The following SGCD variants were observed in gnomAD, a reference collection of about 807,000 sequenced individuals.
The protein encoded by SGCD is sarcoglycan delta.
Under a neutral mutation model 36.6 loss-of-function variants are expected in SGCD, and 18 were observed. That is an observed-to-expected ratio of 0.49 (90% CI 0.34 to 0.73). The LOEUF is 0.73. Among genes scored for constraint, SGCD ranks in the 30% least tolerant of loss-of-function variants. The probability of loss-of-function intolerance (pLI) is 0.01; values close to 1 mark genes in which losing one functional copy is unlikely to be tolerated. For missense variants in SGCD, 387 were observed against 346.7 expected (o/e 1.12, Z -0.92); for synonymous variants, 133 against 130.6 (o/e 1.02, Z -0.12).
intron 4 of SGCD, among the ~76,000 whole-genome samples, chr5:156,576,494 T>C (rs1324726057): frequency 1.3e-5 from 2 of 152,156 alleles, no homozygotes; most frequent in Non-Finnish European, 2.9e-5. Context: ...CTTGAGGAAT[T>C]GCCACACTGT....
intron 1 of SGCD, among the ~76,000 whole-genome samples, chr5:156,111,673 A>C (rs1761789297): frequency 6.7e-6 from 1 of 149,662 alleles, no homozygotes; most frequent in African/African-American, 2.5e-5. Context: ...CTGAGAAAGA[A>C]AAGCAGTCAC....
chr5:156,210,510 C>T (rs1207778137), intron 3 of SGCD, among the ~76,000 whole-genome samples: 1 of 151,856 alleles, frequency 6.6e-6, no homozygotes, highest in South Asian at 2.1e-4. Flanking sequence ...TCAAAATAGT[C>T]ATTTTAAGGA....
chr5:156,182,420 A>T (rs1182656075), intron 3 of SGCD, among the ~76,000 whole-genome samples: 1 of 152,016 alleles, frequency 6.6e-6, no homozygotes, highest in East Asian at 1.9e-4. Context: ...GTGAAACCCC[A>T]TCTCTACAAA....
At chr5:156,520,556 C>A (rs1035759735) in intron 4 of SGCD, among the ~76,000 whole-genome samples, 3 of 151,504 alleles carry the variant, frequency 2.0e-5, no homozygotes, top group Admixed American at 6.6e-5. Context: ...CATATGGAAC[C>A]AAAAAAGAGC....
At chr5:156,713,902 GATTTCACCAGCTC>G (rs1346597394) in intron 7 of SGCD, among the ~76,000 whole-genome samples, 1 of 152,190 alleles carries the variant, frequency 6.6e-6, no homozygotes, top group Admixed American at 6.5e-5. Context: ...CCAATCCAGT[GATTTCACCAGCTC>G]AAAGAGCTAA....
At chr5:156,577,549 C>T (rs976860967) in intron 4 of SGCD, among the ~76,000 whole-genome samples, 2 of 152,160 alleles carry the variant, frequency 1.3e-5, no homozygotes, top group Non-Finnish European at 2.9e-5. Context: ...TATCCATGAG[C>T]GTGGAATGTT....
chr5:156,717,833 A>T (rs72803019), intron 7 of SGCD, among the ~76,000 whole-genome samples: 12,314 of 151,456 alleles, frequency 0.081, 679 homozygotes, highest in Non-Finnish European at 0.12. Context: ...TGGAACCCAC[A>T]ATAGAGGCTC....
chr5:156,195,655 G>T (rs1213751629), intron 3 of SGCD, among the ~76,000 whole-genome samples: 1 of 151,964 alleles, frequency 6.6e-6, no homozygotes, highest in African/African-American at 2.4e-5. Flanking sequence ...TTAGGCTGTT[G>T]TCACTCCAAA....
chr5:156,405,538 A>C (rs1197318551), intron 3 of SGCD, among the ~76,000 whole-genome samples: 1 of 152,188 alleles, frequency 6.6e-6, no homozygotes, highest in Non-Finnish European at 1.5e-5. Flanking sequence ...AGTAAACAGT[A>C]AAATTGCCAA....
chr5:155,881,711 ATCT>A (rs754736692), intron 1 of SGCD, among the ~76,000 whole-genome samples: 15 of 152,166 alleles, frequency 9.9e-5, no homozygotes, highest in Non-Finnish European at 1.9e-4. Context: ...CCCACAGTAA[ATCT>A]TCTTTCAAAA....
intron 2 of SGCD, among the ~76,000 whole-genome samples, chr5:156,119,621 C>T (rs1214184661): frequency 6.6e-6 from 1 of 152,042 alleles, no homozygotes; most frequent in African/African-American, 2.4e-5. Flanking sequence ...CATTTGGATC[C>T]ATAGTTCATC....
At chr5:156,098,162 T>G (rs1191127921) in intron 1 of SGCD, among the ~76,000 whole-genome samples, 1 of 152,204 alleles carries the variant, frequency 6.6e-6, no homozygotes. Context: ...ATGTGGGCCT[T>G]TTCCAGTTAT....
chr5:155,743,600 C>G, the SGCD span, among the ~76,000 whole-genome samples: 2 of 152,216 alleles, frequency 1.3e-5, no homozygotes, highest in Non-Finnish European at 1.5e-5. Flanking sequence ...TATATTTTCA[C>G]TTGACAGACT....
intron 3 of SGCD, among the ~76,000 whole-genome samples, chr5:156,298,031 CAA>C (rs1405806521): frequency 1.3e-5 from 2 of 151,846 alleles, no homozygotes; most frequent in Non-Finnish European, 2.9e-5. Context: ...TGAAAATATG[CAA>C]AGTTTTTCTT....
chr5:156,711,233 A>G (rs944546533), intron 7 of SGCD, among the ~76,000 whole-genome samples: 1 of 152,076 alleles, frequency 6.6e-6, no homozygotes, highest in Non-Finnish European at 1.5e-5. Context: ...GGGGCTTAGA[A>G]TTTTATTTTT....
At chr5:155,748,248 A>G in the SGCD span, among the ~76,000 whole-genome samples, 1 of 152,006 alleles carries the variant, frequency 6.6e-6, no homozygotes, top group South Asian at 2.1e-4. Context: ...CCCTTAGGTC[A>G]TGCCTCCTCC....
At chr5:156,325,174 C>CG (rs2127698402), upstream of SGCD, among the ~76,000 whole-genome samples, 1 of 151,952 alleles carries the variant, frequency 6.6e-6, no homozygotes, top group South Asian at 2.1e-4. Context: ...TGGAAAGTAG[C>CG]GGTATAGCTG....
At chr5:156,338,150 G>C (rs1768455172) in intron 2 of SGCD, among the ~76,000 whole-genome samples, 2 of 126,128 alleles carry the variant, frequency 1.6e-5, no homozygotes, top group South Asian at 6.0e-4. Flanking sequence ...TGTGTTTTTA[G>C]GAAGTTCACT....
At chr5:156,074,442 G>C (rs1256691330) in intron 1 of SGCD, among the ~76,000 whole-genome samples, 2 of 152,090 alleles carry the variant, frequency 1.3e-5, no homozygotes, top group African/African-American at 4.8e-5. Context: ...GTATTTACTT[G>C]GGAGGCTGAA....
Sources: allele counts gnomAD v4.1 joint callset (sites outside exome capture counted in the v4.1 genomes callset), GRCh38; gene constraint gnomAD v4.1.1; transcripts MANE v1.5; gene names NCBI Gene and HGNC (gene_info 2026-07-23, HGNC 2026-07-21).